Variants in LAMA2 observed in about 807,000 individuals in gnomAD.
LAMA2 encodes laminin subunit alpha-2.
A neutral mutation model predicts 364.8 loss-of-function variants in LAMA2; 269 were observed. The ratio of observed to expected loss-of-function variants is 0.74; its 90% CI spans 0.67 to 0.82. The LOEUF (loss-of-function observed/expected upper bound fraction) is 0.82, where lower values mean the gene tolerates loss of function less well. LAMA2 is among the 40% of genes least tolerant of loss of function. The pLI, the probability that LAMA2 is intolerant of heterozygous loss-of-function variation, is 0.00. For missense variants in LAMA2, 3,807 were observed against 3,873.2 expected, an observed-to-expected ratio of 0.98 and a Z score of 0.45; for synonymous variants, 1,379 against 1,370.6, an observed-to-expected ratio of 1.01 and a Z score of -0.14.
intron 10 of LAMA2, among the ~76,000 whole-genome samples, chr6:129,183,243 A>G (rs1448500732): frequency 1.3e-5 from 2 of 151,994 alleles, no homozygotes; most frequent in African/African-American, 4.8e-5. Context: ...TTCAAGTACC[A>G]TATGCTAGAA....
intron 1 of LAMA2, among the ~76,000 whole-genome samples, chr6:128,980,344 C>T (rs539488340): frequency 3.9e-5 from 6 of 152,258 alleles, no homozygotes; most frequent in South Asian, 2.1e-4. Context: ...CACAAATACG[C>T]GTAGTCTGCT....
In LAMA2 at chr6:129,098,422, T is replaced by C. The variant is rs753690178; in HGVS notation, c.639+7T>C. 5 of 1,613,932 alleles carry C rather than the reference T, an allele frequency of 3.1e-6. No homozygotes were observed. The highest frequency in any genetic ancestry group is 3.3e-4 in the Middle Eastern group (2 of 6,062). On this transcript the variant is annotated splice_region_variant and intron_variant, in intron 4 of 64. Transcript: ENST00000421865. ...CCCCTTAGAAAATGGAGAGGTAAGATGAGAAAACTCACCATTTAAGCACAT... is the reference window on the plus strand; with the variant it reads ...CCCCTTAGAAAATGGAGAGGTAAGACGAGAAAACTCACCATTTAAGCACAT...
intron 1 of LAMA2, among the ~76,000 whole-genome samples, chr6:128,887,493 T>C (rs932803890): frequency 2.0e-5 from 3 of 152,150 alleles, no homozygotes; most frequent in African/African-American, 7.2e-5. Context: ...ATTTCACATA[T>C]CAATGTGTAC....
At chr6:129,411,425 C>A (rs1482697582) in intron 40 of LAMA2, among the ~76,000 whole-genome samples, 2 of 152,048 alleles carry the variant, frequency 1.3e-5, no homozygotes, top group East Asian at 3.9e-4. Flanking sequence ...GCTGTGTAAG[C>A]AAGATGTAAG....
At chr6:129,173,183 T>A (rs760956814) in intron 9 of LAMA2, among the ~76,000 whole-genome samples, 2 of 152,258 alleles carry the variant, frequency 1.3e-5, no homozygotes, top group Non-Finnish European at 2.9e-5. Context: ...TATTGGGCCA[T>A]GTTGGCTCCT....
chr6:129,459,977 G>A (rs1292356780), intron 48 of LAMA2, among the ~76,000 whole-genome samples: 3 of 152,022 alleles, frequency 2.0e-5, no homozygotes, highest in Non-Finnish European at 2.9e-5. Context: ...ATCAGCATTC[G>A]TGGATTAAAT....
At chr6:129,070,563 T>G (rs1206347719) in intron 3 of LAMA2, among the ~76,000 whole-genome samples, 1 of 151,942 alleles carries the variant, frequency 6.6e-6, no homozygotes, top group Non-Finnish European at 1.5e-5. Flanking sequence ...CTTCTGTTGT[T>G]GTCATGATAT....
intron 29 of LAMA2, among the ~76,000 whole-genome samples, chr6:129,329,511 G>A (rs776301171): frequency 7.9e-5 from 12 of 152,118 alleles, no homozygotes; most frequent in Middle Eastern, 3.4e-3. Flanking sequence ...ACAGGCTCAC[G>A]CCACCACACC....
intron 4 of LAMA2, among the ~76,000 whole-genome samples, chr6:129,109,145 T>C (rs1201880113): frequency 1.3e-5 from 2 of 152,064 alleles, no homozygotes; most frequent in African/African-American, 4.8e-5. Context: ...TTAAATAGGC[T>C]AGTGATAAAA....
chr6:129,077,937 T>G (rs945437910), intron 3 of LAMA2, among the ~76,000 whole-genome samples: 9 of 152,250 alleles, frequency 5.9e-5, no homozygotes, highest in South Asian at 2.1e-4. Flanking sequence ...GATAGTATAA[T>G]GATGGGTACA....
At chr6:129,122,594 C>CAAA (rs1776861151) in intron 4 of LAMA2, among the ~76,000 whole-genome samples, 1 of 152,094 alleles carries the variant, frequency 6.6e-6, no homozygotes, top group Admixed American at 6.6e-5. Flanking sequence ...TTTACATGAA[C>CAAA]GTTTATTCCT....
At chr6:128,997,468 A>G (rs1283038308) in intron 1 of LAMA2, among the ~76,000 whole-genome samples, 1 of 152,170 alleles carries the variant, frequency 6.6e-6, no homozygotes, top group African/African-American at 2.4e-5. Context: ...CAAAGTTGAA[A>G]TTGAAGACAC....
intron 32 of LAMA2, among the ~76,000 whole-genome samples, chr6:129,361,265 A>G (rs1238129052): frequency 6.6e-6 from 1 of 152,232 alleles, no homozygotes; most frequent in African/African-American, 2.4e-5. Context: ...GAACCTTCCT[A>G]TTCTTCATAA....
chr6:128,917,216 A>C (rs1230604562), intron 1 of LAMA2, among the ~76,000 whole-genome samples: 1 of 152,000 alleles, frequency 6.6e-6, no homozygotes, highest in African/African-American at 2.4e-5. Flanking sequence ...ATATATGTTT[A>C]CTATGTACTT....
intron 41 of LAMA2, among the ~76,000 whole-genome samples, chr6:129,433,473 T>C (rs1043432596): frequency 3.3e-5 from 5 of 152,312 alleles, no homozygotes; most frequent in East Asian, 3.9e-4. Flanking sequence ...CAGTCACTTA[T>C]GCCTGTAATC....
chr6:129,503,386 G>A, intron 60 of LAMA2, 106 bp downstream of exon 60: 2 of 1,012,134 alleles, frequency 2.0e-6, no homozygotes, highest in Admixed American at 1.8e-5. Flanking sequence ...CACTGACTCT[G>A]GCAGAAGCTA....
chr6:129,400,022 T>C (rs1779878099), intron 37 of LAMA2, among the ~76,000 whole-genome samples: 1 of 152,190 alleles, frequency 6.6e-6, no homozygotes, highest in South Asian at 2.1e-4. Context: ...GTGGCTTATA[T>C]GCAATCAAAA....
chr6:129,386,966 G>GT (rs1779050351), intron 35 of LAMA2, among the ~76,000 whole-genome samples: 1 of 151,666 alleles, frequency 6.6e-6, no homozygotes, highest in Non-Finnish European at 1.5e-5. Context: ...TTGCTAAAAT[G>GT]TTTGTTCTTT....
In LAMA2 at chr6:129,460,218, G is replaced by A; in HGVS notation, c.6886G>A (p.Val2296Met). Residue 2296 changes from valine (V) to methionine (M), a missense_variant, in exon 49 of 65, where the codon GTG becomes ATG. Val to Met is a conservative substitution (Grantham distance 21). This residue lies in a region of LAMA2 where 3,333 missense variants were observed against 3,345.7 expected (regional missense o/e 1.00). Transcript: ENST00000421865. ...TCTGCAGAAGGCTGATGCTGTACGT[G>A]TGATTACATTCACTGGCTGCATGGG... Reference protein sequence around the residue: ...GKLKKADAVRVITFTGCMGET... With the variant: ...GKLKKADAVRMITFTGCMGET... The A allele has an allele frequency of 6.2e-7, 1 of 1,612,074 alleles. No individual in the cohort carries two copies. Among genetic ancestry groups the A allele is most frequent in the Non-Finnish European group, 8.5e-7 (1 of 1,178,544 alleles).
Sources: allele counts gnomAD v4.1 joint callset (sites outside exome capture counted in the v4.1 genomes callset), GRCh38; gene constraint gnomAD v4.1.1; regional missense constraint gnomAD v4.1.1; transcripts MANE v1.5; gene names NCBI Gene and HGNC (gene_info 2026-07-23, HGNC 2026-07-21).